CSTPP1: variants seen among roughly 807,000 people sequenced by gnomAD.
CSTPP1 encodes UPF0705 protein C11orf49.
the CSTPP1 span, among the ~76,000 whole-genome samples, chr11:47,128,680 G>A: frequency 3.9e-5 from 6 of 152,098 alleles, no homozygotes; most frequent in Non-Finnish European, 7.3e-5. Context: ...GAGCCATTGC[G>A]CCAGACCTAG....
At chr11:47,052,632 A>G in the CSTPP1 span, 2 of 1,371,160 alleles carry the variant, frequency 1.5e-6, no homozygotes, top group South Asian at 3.1e-5. Context: ...TCTCTTTCAA[A>G]CTTTTTCTTT....
the CSTPP1 span, among the ~76,000 whole-genome samples, chr11:46,956,411 G>A: frequency 2.6e-5 from 4 of 152,166 alleles, no homozygotes; most frequent in Non-Finnish European, 5.9e-5. Context: ...GAACACGGAG[G>A]AAGACCAATA....
the CSTPP1 span, among the ~76,000 whole-genome samples, chr11:47,014,725 A>C: frequency 6.7e-6 from 1 of 148,652 alleles, no homozygotes; most frequent in African/African-American, 2.5e-5. Context: ...AAGAGAGAGA[A>C]AGAAAGAGAG....
the CSTPP1 span, among the ~76,000 whole-genome samples, chr11:47,022,515 G>A: frequency 2.2e-4 from 33 of 151,576 alleles, no homozygotes; most frequent in East Asian, 5.4e-3. Context: ...GACTACAGGC[G>A]TGCGCCACCA....
chr11:46,972,654 T>C, the CSTPP1 span, among the ~76,000 whole-genome samples: 1 of 152,220 alleles, frequency 6.6e-6, no homozygotes, highest in Admixed American at 6.5e-5. Flanking sequence ...TCATATTTTA[T>C]GTGCTGCCTC....
chr11:46,999,403 T>G, the CSTPP1 span, among the ~76,000 whole-genome samples: 2 of 152,188 alleles, frequency 1.3e-5, no homozygotes, highest in African/African-American at 4.8e-5. Flanking sequence ...AGCTGTTAAG[T>G]GACAGACTCA....
chr11:47,046,660 CTTTTTT>C, the CSTPP1 span, among the ~76,000 whole-genome samples: 47 of 79,758 alleles, frequency 5.9e-4, no homozygotes, highest in African/African-American at 1.9e-3. Flanking sequence ...ATCTTCTTTT[CTTTTTT>C]TTTTTTTTTT....
chr11:47,140,996 G>C, the CSTPP1 span, among the ~76,000 whole-genome samples: 2 of 152,124 alleles, frequency 1.3e-5, no homozygotes, highest in African/African-American at 4.8e-5. Flanking sequence ...AGCTACTCAG[G>C]AGGCTGAGGC....
At chr11:46,943,873 T>A in the CSTPP1 span, among the ~76,000 whole-genome samples, 1 of 151,456 alleles carries the variant, frequency 6.6e-6, no homozygotes, top group Non-Finnish European at 1.5e-5. Context: ...AAAAAAAAAA[T>A]AGCTGGGTGC....
chr11:47,059,771 CAT>C, the CSTPP1 span, among the ~76,000 whole-genome samples: 3 of 152,244 alleles, frequency 2.0e-5, no homozygotes, highest in East Asian at 3.9e-4. Flanking sequence ...ACACAATAAA[CAT>C]ATGAGTTGAT....
chr11:46,994,954 G>A, the CSTPP1 span, among the ~76,000 whole-genome samples: 2 of 152,096 alleles, frequency 1.3e-5, no homozygotes, highest in African/African-American at 2.4e-5. Context: ...TAATTTCAGA[G>A]CCTGTTATTG....
chr11:47,049,223 G>C, the CSTPP1 span, among the ~76,000 whole-genome samples: 1 of 152,030 alleles, frequency 6.6e-6, no homozygotes, highest in Non-Finnish European at 1.5e-5. Flanking sequence ...CTGAGCTCAA[G>C]CAGCCCACCC....
At chr11:47,071,533 T>C in the CSTPP1 span, among the ~76,000 whole-genome samples, 36,546 of 152,072 alleles carry the variant, frequency 0.24, 5,122 homozygotes, top group East Asian at 0.65. Context: ...GTTAGCTCCC[T>C]TGAGGGCAAA....
chr11:47,005,181 T>C, the CSTPP1 span, among the ~76,000 whole-genome samples: 2 of 152,222 alleles, frequency 1.3e-5, no homozygotes, highest in Non-Finnish European at 2.9e-5. Context: ...GTAAAAACTT[T>C]TTAAGATAGT....
At chr11:47,086,405 A>G in the CSTPP1 span, among the ~76,000 whole-genome samples, 3 of 151,892 alleles carry the variant, frequency 2.0e-5, no homozygotes, top group Admixed American at 1.3e-4. Flanking sequence ...GACTCTGTGG[A>G]AAAAAAATTT....
At chr11:47,078,312 G>C in the CSTPP1 span, among the ~76,000 whole-genome samples, 2 of 152,210 alleles carry the variant, frequency 1.3e-5, no homozygotes, top group Admixed American at 6.5e-5. Flanking sequence ...AGTGACGGAA[G>C]CAACGTTGAA....
At chr11:47,115,658 T>C in the CSTPP1 span, among the ~76,000 whole-genome samples, 1 of 152,170 alleles carries the variant, frequency 6.6e-6, no homozygotes, top group East Asian at 1.9e-4. Flanking sequence ...GGTGATGATA[T>C]CCCCTTTAAC....
the CSTPP1 span, among the ~76,000 whole-genome samples, chr11:47,049,726 C>T: frequency 6.6e-6 from 1 of 151,696 alleles, no homozygotes; most frequent in Non-Finnish European, 1.5e-5. Flanking sequence ...AACTGCTGGG[C>T]TCAAGCGATC....
chr11:46,978,916 T>C, the CSTPP1 span, among the ~76,000 whole-genome samples: 1 of 152,218 alleles, frequency 6.6e-6, no homozygotes, highest in African/African-American at 2.4e-5. Context: ...CCTGTTACTG[T>C]TAGTTCAGTT....
Sources: gnomAD v4.1 joint callset for allele counts (sites outside exome capture counted in the v4.1 genomes callset) on GRCh38, gnomAD v4.1.1 for gene constraint, MANE v1.5 for transcripts, NCBI Gene and HGNC (gene_info 2026-07-23, HGNC 2026-07-21) for gene names.